Variants in SGMS1 observed in about 807,000 individuals in gnomAD.
SGMS1 encodes the protein phosphatidylcholine:ceramide cholinephosphotransferase 1.
SGMS1 carries 13 observed loss-of-function variants against 46.2 expected under a neutral mutation model. That is an observed-to-expected ratio of 0.28 (90% confidence interval 0.18 to 0.45). The LOEUF is 0.45. Ranked by LOEUF, SGMS1 falls within the 20% of genes least tolerant of loss-of-function variation. The pLI, the probability that SGMS1 is intolerant of heterozygous loss-of-function variation, is 1.00. For synonymous variants in SGMS1, 203 were observed against 187.8 expected (o/e 1.08, Z -0.66); for missense variants, 324 against 519.9 (o/e 0.62, Z 3.66).
At chr10:50,443,205 G>C (rs747505255) in intron 5 of SGMS1, among the ~76,000 whole-genome samples, 1 of 152,114 alleles carries the variant, frequency 6.6e-6, no homozygotes, top group South Asian at 2.1e-4. Flanking sequence ...TGTAGATAAG[G>C]CATCCCTGTT....
chr10:50,624,639 C>A (rs1355289307), upstream of SGMS1: 3 of 985,348 alleles, frequency 3.0e-6, no homozygotes, highest in African/African-American at 5.2e-5. Context: ...GCGGCGAAAA[C>A]CCGGAGAGCG....
chr10:50,511,489 A>T (rs1324306937), intron 3 of SGMS1, among the ~76,000 whole-genome samples: 4 of 152,182 alleles, frequency 2.6e-5, no homozygotes, highest in Non-Finnish European at 4.4e-5. Flanking sequence ...GCAGAATACA[A>T]AGATGCTCAG....
chr10:50,398,846 C>G (rs955152031), intron 6 of SGMS1, among the ~76,000 whole-genome samples: 19 of 151,852 alleles, frequency 1.3e-4, no homozygotes, highest in African/African-American at 4.1e-4. Flanking sequence ...ATATAATAGA[C>G]AGTTCTAGCT....
intron 7 of SGMS1, chr10:50,335,358 G>C (rs1353062742): frequency 6.6e-6 from 1 of 152,264 alleles, no homozygotes; most frequent in Non-Finnish European, 1.5e-5. Context: ...CCACTGGTGG[G>C]CTTGGGAACC....
intron 5 of SGMS1, among the ~76,000 whole-genome samples, chr10:50,438,756 A>G (rs572826454): frequency 7.9e-5 from 12 of 152,332 alleles, no homozygotes; most frequent in African/African-American, 2.9e-4. Context: ...AGCCAGGGTG[A>G]GCAATTCTGC....
intron 1 of SGMS1, among the ~76,000 whole-genome samples, chr10:50,615,871 T>C (rs1838791813): frequency 6.6e-6 from 1 of 152,184 alleles, no homozygotes; most frequent in Non-Finnish European, 1.5e-5. Flanking sequence ...TTATATACCA[T>C]CTGTCACATA....
intron 8 of SGMS1, among the ~76,000 whole-genome samples, chr10:50,322,176 C>T (rs1052189759): frequency 6.6e-6 from 1 of 152,098 alleles, no homozygotes; most frequent in Non-Finnish European, 1.5e-5. Context: ...CTGAAAACTC[C>T]ACATTGGATT....
At chr10:50,451,256 T>C (rs1371142007) in intron 5 of SGMS1, among the ~76,000 whole-genome samples, 1 of 152,194 alleles carries the variant, frequency 6.6e-6, no homozygotes, top group East Asian at 1.9e-4. Flanking sequence ...TGTAGTCTTA[T>C]GTTAGCATGT....
intron 3 of SGMS1, among the ~76,000 whole-genome samples, chr10:50,485,151 C>T (rs775679454): frequency 3.9e-5 from 6 of 152,288 alleles, no homozygotes; most frequent in East Asian, 1.9e-4. Context: ...AAAACCCCAT[C>T]GTCTCAGCCC....
At chr10:50,581,235 T>C (rs1838431316) in intron 2 of SGMS1, among the ~76,000 whole-genome samples, 1 of 152,222 alleles carries the variant, frequency 6.6e-6, no homozygotes, top group Admixed American at 6.5e-5. Flanking sequence ...AGGGTGATTC[T>C]AATGTGCAGC....
chr10:50,567,409 G>A (rs1023410451), intron 2 of SGMS1, among the ~76,000 whole-genome samples: 15 of 152,174 alleles, frequency 9.9e-5, no homozygotes, highest in Non-Finnish European at 4.4e-5. Context: ...TGACCCATGA[G>A]CCAAATGCAA....
chr10:50,608,427 TA>T (rs1257486474), intron 1 of SGMS1, among the ~76,000 whole-genome samples: 2 of 152,158 alleles, frequency 1.3e-5, no homozygotes, highest in African/African-American at 4.8e-5. Context: ...CCCATCTGGC[TA>T]AAAGGCTAGT....
intron 5 of SGMS1, among the ~76,000 whole-genome samples, chr10:50,451,759 A>G (rs1837112611): frequency 1.3e-5 from 2 of 152,228 alleles, no homozygotes; most frequent in African/African-American, 4.8e-5. Flanking sequence ...AATGCTTCTC[A>G]CTAGATATAC....
chr10:50,413,012 A>T (rs1849121988), intron 6 of SGMS1, among the ~76,000 whole-genome samples: 1 of 152,170 alleles, frequency 6.6e-6, no homozygotes, highest in Admixed American at 6.5e-5. Context: ...TTTAACTATT[A>T]AAAAATCTAA....
chr10:50,603,036 T>C (rs1838662630), intron 1 of SGMS1, among the ~76,000 whole-genome samples: 1 of 152,260 alleles, frequency 6.6e-6, no homozygotes, highest in South Asian at 2.1e-4. Context: ...GCTGTCTTCA[T>C]TTCCAACTCC....
At chr10:50,399,810 C>T (rs565573956) in intron 6 of SGMS1, among the ~76,000 whole-genome samples, 13 of 151,990 alleles carry the variant, frequency 8.6e-5, no homozygotes, top group African/African-American at 2.7e-4. Context: ...AGGCGGATCA[C>T]GAGGTCAGGA....
At chr10:50,577,006 T>C (rs1026656182) in intron 2 of SGMS1, among the ~76,000 whole-genome samples, 4 of 152,200 alleles carry the variant, frequency 2.6e-5, no homozygotes, top group African/African-American at 9.7e-5. Context: ...AGTGAACTAG[T>C]TCTAGGCAAG....
intron 6 of SGMS1, among the ~76,000 whole-genome samples, chr10:50,432,847 C>G (rs538334668): frequency 6.6e-6 from 1 of 152,218 alleles, no homozygotes; most frequent in Admixed American, 6.5e-5. Context: ...AAGAGTGAGG[C>G]CTAGGATTGT....
At chr10:50,527,975 T>G (rs1837919257) in intron 2 of SGMS1, among the ~76,000 whole-genome samples, 1 of 152,104 alleles carries the variant, frequency 6.6e-6, no homozygotes, top group Non-Finnish European at 1.5e-5. Flanking sequence ...ATGAGAAAAT[T>G]TATGAAAGAG....
Sources: gnomAD v4.1 joint callset for allele counts (sites outside exome capture counted in the v4.1 genomes callset) on GRCh38, gnomAD v4.1.1 for gene constraint, MANE v1.5 for transcripts, NCBI Gene and HGNC (gene_info 2026-07-23, HGNC 2026-07-21) for gene names.